HAPLN1: variants seen among roughly 807,000 people sequenced by gnomAD.
The protein encoded by HAPLN1 is hyaluronan and proteoglycan link protein 1.
In HAPLN1, 13 loss-of-function variants were observed where a neutral mutation model predicts 36.5. That is an observed-to-expected ratio of 0.36 (90% CI 0.23 to 0.57). The LOEUF is 0.57. HAPLN1 is among the 20% of genes least tolerant of loss of function. The pLI is 0.83. For synonymous variants in HAPLN1, 202 were observed against 169.8 expected (o/e 1.19, Z -1.48); for missense variants, 407 against 439.7 (o/e 0.93, Z 0.66).
At chr5:83,669,599 A>C (rs1750647238) in intron 2 of HAPLN1, among the ~76,000 whole-genome samples, 1 of 152,232 alleles carries the variant, frequency 6.6e-6, no homozygotes, top group Non-Finnish European at 1.5e-5. Flanking sequence ...TAAAATGTTT[A>C]CTTTATTAGA....
At chr5:83,705,939 A>G (rs901587534) in intron 1 of HAPLN1, among the ~76,000 whole-genome samples, 4 of 152,012 alleles carry the variant, frequency 2.6e-5, no homozygotes, top group Non-Finnish European at 5.9e-5. Context: ...ACCATCAGAA[A>G]CTACTATGAA....
chr5:83,704,107 C>A (rs1340982959), intron 1 of HAPLN1, among the ~76,000 whole-genome samples: 1 of 140,230 alleles, frequency 7.1e-6, no homozygotes, highest in African/African-American at 2.6e-5. Flanking sequence ...GCAACAGTCT[C>A]AAAAAAAAAA....
At chr5:83,659,499 G>A (rs1368332178) in intron 2 of HAPLN1, among the ~76,000 whole-genome samples, 1 of 152,040 alleles carries the variant, frequency 6.6e-6, no homozygotes, top group Non-Finnish European at 1.5e-5. Context: ...TGTAGAGGAA[G>A]GCTTGGGAGA....
At position 83,641,378 on chromosome 5, in the gene HAPLN1, C is replaced by G; in HGVS notation, c.*118G>C. The stretch of plus-strand genomic sequence containing the variant: ...TGATCTTTATGAAAATGACTCTTTA[C>G]AGTAAGTAAAAAAGGGTTATCACAG... On this transcript the variant is annotated 3_prime_UTR_variant, in exon 5 of 5. Coordinates refer to ENST00000274341, the MANE Select transcript of HAPLN1 (RefSeq NM_001884.4). The G allele has an allele frequency of 4.8e-6, 4 of 827,082 alleles. No homozygotes were observed. Among genetic ancestry groups the G allele is most frequent in the Non-Finnish European group, 3.7e-6 (2 of 541,772 alleles). 51.2% of individuals were successfully genotyped at this position (827,082 alleles called of 1,614,324 possible).
At chr5:83,644,342 G>T in intron 4 of HAPLN1, 21 bp downstream of exon 4, 1 of 1,481,338 alleles carries the variant, frequency 6.8e-7, no homozygotes, top group Non-Finnish European at 9.0e-7. Context: ...AGGAAAGAAG[G>T]CAGTACAGTT....
In HAPLN1 at chr5:83,640,493, T is replaced by C. The variant is rs1409506736; in HGVS notation, c.*1003A>G. ...TAATAAGAATTTTGAAAGTTGCATC[T>C]TTGTTTCTGCATTAGGGATTCCTTT... On this transcript the variant is annotated 3_prime_UTR_variant, in exon 5 of 5. Coordinates refer to ENST00000274341, the MANE Select transcript of HAPLN1 (RefSeq NM_001884.4). The C allele has an allele frequency of 6.6e-6, 1 of 152,164 alleles. No individual in the cohort carries two copies. The highest frequency in any genetic ancestry group is 1.5e-5 in the Non-Finnish European group (1 of 68,004). 9.4% of individuals were successfully genotyped at this position (152,164 alleles called of 1,614,324 possible).
intron 3 of HAPLN1, among the ~76,000 whole-genome samples, chr5:83,647,350 T>G (rs1316877897): frequency 6.6e-6 from 1 of 152,212 alleles, no homozygotes; most frequent in East Asian, 1.9e-4. Flanking sequence ...GAATTACTGT[T>G]TGATGTGCTG....
chr5:83,646,191 T>C (rs985175352), intron 3 of HAPLN1, among the ~76,000 whole-genome samples: 1 of 152,242 alleles, frequency 6.6e-6, no homozygotes, highest in African/African-American at 2.4e-5. Context: ...AAAGGACTAA[T>C]GTGTCAAAGT....
rs950672104 is a variant in HAPLN1 at position 83,652,804 on chromosome 5, G to T, written c.121C>A (p.Leu41Ile). The T allele has an allele frequency of 1.3e-6, 2 of 1,585,544 alleles. No individual in the cohort carries two copies. Among genetic ancestry groups the T allele is most frequent in the Non-Finnish European group, 1.7e-6 (2 of 1,162,138 alleles). Residue 41 changes from leucine to isoleucine, a missense_variant, in exon 3 of 5, where the codon CTT (leucine) becomes ATT (isoleucine). Transcript: ENST00000274341. ...HIQAENGPHL[L>I]VEAEQAKVFS... ...ACCTTGGCTTGCTCTGCTTCCACAA[G>T]TAGATGGGGGCCATTTTCTGCTATA...
chr5:83,685,624 A>C (rs1456701833), intron 1 of HAPLN1, among the ~76,000 whole-genome samples: 3 of 152,220 alleles, frequency 2.0e-5, no homozygotes, highest in African/African-American at 7.2e-5. Flanking sequence ...ATATTTTATT[A>C]GTCTTTATAC....
intron 1 of HAPLN1, among the ~76,000 whole-genome samples, chr5:83,686,925 G>T (rs1468367258): frequency 6.6e-6 from 1 of 152,074 alleles, no homozygotes; most frequent in Non-Finnish European, 1.5e-5. Flanking sequence ...TTCAAGGAAA[G>T]AATTTTTATT....
intron 2 of HAPLN1, among the ~76,000 whole-genome samples, chr5:83,658,983 G>A (rs543114953): frequency 6.6e-6 from 1 of 152,180 alleles, no homozygotes; most frequent in Admixed American, 6.5e-5. Flanking sequence ...ATTTGAATTT[G>A]AAACCTGGAG....
chr5:83,708,037 G>A (rs190966372), intron 1 of HAPLN1, among the ~76,000 whole-genome samples: 19 of 152,338 alleles, frequency 1.2e-4, no homozygotes, highest in Admixed American at 6.5e-4. Flanking sequence ...AGTCAGAATG[G>A]CTATAATTAA....
At chr5:83,680,651 G>A (rs1287676790) in intron 1 of HAPLN1, among the ~76,000 whole-genome samples, 1 of 151,996 alleles carries the variant, frequency 6.6e-6, no homozygotes, top group Non-Finnish European at 1.5e-5. Flanking sequence ...GGAAATAAAC[G>A]TCTTATCTTC....
chr5:83,654,366 C>T (rs1198491129), intron 2 of HAPLN1, among the ~76,000 whole-genome samples: 1 of 152,146 alleles, frequency 6.6e-6, no homozygotes. Context: ...CTTTATATTC[C>T]ATTCTTGATC....
intron 1 of HAPLN1, among the ~76,000 whole-genome samples, chr5:83,712,297 A>C (rs556099894): frequency 4.6e-4 from 70 of 152,110 alleles, no homozygotes; most frequent in African/African-American, 1.6e-3. Context: ...TTTTTTTCTG[A>C]ATGTATGGTC....
chr5:83,701,790 T>G (rs1751512869), intron 1 of HAPLN1, among the ~76,000 whole-genome samples: 1 of 151,788 alleles, frequency 6.6e-6, no homozygotes, highest in Admixed American at 6.6e-5. Flanking sequence ...GTACAAAAAA[T>G]TAGCCAGATG....
chr5:83,664,152 G>A (rs1021604280), intron 2 of HAPLN1, among the ~76,000 whole-genome samples: 6 of 152,012 alleles, frequency 3.9e-5, no homozygotes, highest in East Asian at 1.9e-4. Flanking sequence ...GGCTTCTTTC[G>A]GTTTGAAAGC....
At chr5:83,662,563 G>A (rs1750434321) in intron 2 of HAPLN1, among the ~76,000 whole-genome samples, 1 of 152,154 alleles carries the variant, frequency 6.6e-6, no homozygotes, top group African/African-American at 2.4e-5. Flanking sequence ...AATAAAATTA[G>A]AATATTTTAC....
Sources: gnomAD v4.1 joint callset for allele counts (sites outside exome capture counted in the v4.1 genomes callset) on GRCh38, gnomAD v4.1.1 for gene constraint, MANE v1.5 for transcripts, NCBI Gene and HGNC (gene_info 2026-07-23, HGNC 2026-07-21) for gene names.